Variants in PDE10A observed in about 807,000 individuals in gnomAD.
PDE10A encodes the protein phosphodiesterase 10A.
Under a neutral mutation model 97.7 loss-of-function variants are expected in PDE10A, and 39 were observed. That is an observed-to-expected ratio of 0.40 (90% CI 0.31 to 0.52). The LOEUF is 0.52. Ranked by LOEUF, PDE10A falls within the 20% of genes least tolerant of loss-of-function variation. PDE10A has a pLI of 0.56. For synonymous variants in PDE10A, 371 were observed against 376.8 expected (o/e 0.98, Z 0.18); for missense variants, 731 against 1,047.8 (o/e 0.70, Z 4.17).
chr6:165,714,961 G>T (rs1004812422), intron 1 of PDE10A, among the ~76,000 whole-genome samples: 1 of 152,146 alleles, frequency 6.6e-6, no homozygotes, highest in Non-Finnish European at 1.5e-5. Context: ...CTTGCTCTCC[G>T]CAAAGCCCTG....
At chr6:165,762,831 C>T (rs1394632367) in intron 1 of PDE10A, among the ~76,000 whole-genome samples, 1 of 152,094 alleles carries the variant, frequency 6.6e-6, no homozygotes, top group Admixed American at 6.5e-5. Flanking sequence ...ACCCAAACAC[C>T]AGGTGCCTGT....
At chr6:165,423,876 T>C (rs1788916987) in intron 10 of PDE10A, among the ~76,000 whole-genome samples, 1 of 151,984 alleles carries the variant, frequency 6.6e-6, no homozygotes. Flanking sequence ...TTACCCAGAT[T>C]TGCTTGTCTG....
chr6:165,692,098 A>G (rs1444468037), intron 1 of PDE10A, among the ~76,000 whole-genome samples: 1 of 152,202 alleles, frequency 6.6e-6, no homozygotes, highest in African/African-American at 2.4e-5. Flanking sequence ...CACAGGGTTA[A>G]TCCTCAAATA....
chr6:165,588,360 G>A (rs1347450358), intron 1 of PDE10A, among the ~76,000 whole-genome samples: 2 of 133,608 alleles, frequency 1.5e-5, no homozygotes, highest in African/African-American at 2.9e-5. Flanking sequence ...GCATGATCTC[G>A]GCTCACTGCA....
At chr6:165,804,403 G>A (rs1229662465) in intron 1 of PDE10A, among the ~76,000 whole-genome samples, 1 of 152,228 alleles carries the variant, frequency 6.6e-6, no homozygotes, top group East Asian at 1.9e-4. Context: ...CGTTTGCTTC[G>A]TTTGTTTTGT....
chr6:165,818,360 G>A (rs1295743065), intron 1 of PDE10A, among the ~76,000 whole-genome samples: 1 of 152,206 alleles, frequency 6.6e-6, no homozygotes, highest in Non-Finnish European at 1.5e-5. Flanking sequence ...TACCGAGGTT[G>A]GTTTCCTCTG....
chr6:165,932,031 G>A (rs1379832640), intron 1 of PDE10A, among the ~76,000 whole-genome samples: 4 of 152,118 alleles, frequency 2.6e-5, no homozygotes, highest in African/African-American at 4.8e-5. Context: ...TGGCAAGTGC[G>A]GGTGAACGGT....
At chr6:165,379,030 G>A (rs1784781279) in intron 18 of PDE10A, among the ~76,000 whole-genome samples, 164 bp downstream of exon 18, 1 of 152,142 alleles carries the variant, frequency 6.6e-6, no homozygotes. Flanking sequence ...AAACAACAAA[G>A]CATCTAAAGT....
At chr6:165,764,520 T>C (rs201480187) in intron 1 of PDE10A, among the ~76,000 whole-genome samples, 15,541 of 128,868 alleles carry the variant, frequency 0.12, 1,023 homozygotes, top group South Asian at 0.25. Flanking sequence ...TAAGGTGGTG[T>C]GTCTGGAGTT....
At chr6:165,551,619 A>T (rs1784020043) in intron 1 of PDE10A, among the ~76,000 whole-genome samples, 1 of 152,226 alleles carries the variant, frequency 6.6e-6, no homozygotes, top group Non-Finnish European at 1.5e-5. Flanking sequence ...GTTGGAATGA[A>T]GATATAAGCC....
At chr6:165,683,103 T>C (rs1314367512) in intron 1 of PDE10A, among the ~76,000 whole-genome samples, 5 of 152,164 alleles carry the variant, frequency 3.3e-5, no homozygotes, top group Admixed American at 3.3e-4. Context: ...ACAAAATTAT[T>C]TGTTGAATGA....
At chr6:165,460,047 C>A (rs1778227769) in intron 3 of PDE10A, among the ~76,000 whole-genome samples, 2 of 152,218 alleles carry the variant, frequency 1.3e-5, no homozygotes, top group African/African-American at 4.8e-5. Flanking sequence ...GTCCCGGGCC[C>A]CATTCTAAAC....
chr6:165,658,501 G>A (rs1014515896), intron 1 of PDE10A, among the ~76,000 whole-genome samples: 7 of 152,080 alleles, frequency 4.6e-5, no homozygotes, highest in African/African-American at 1.4e-4. Flanking sequence ...AGAGAGGTGC[G>A]GGCGTATTTG....
intron 16 of PDE10A, among the ~76,000 whole-genome samples, chr6:165,389,342 A>G (rs1280667740): frequency 6.6e-6 from 1 of 152,208 alleles, no homozygotes; most frequent in African/African-American, 2.4e-5. Flanking sequence ...AAAGTAATTG[A>G]GGCAAAATGT....
intron 1 of PDE10A, among the ~76,000 whole-genome samples, chr6:165,794,569 A>G (rs1778777313): frequency 6.6e-6 from 1 of 150,492 alleles, no homozygotes; most frequent in African/African-American, 2.4e-5. Flanking sequence ...TCACTTACAC[A>G]CACATTCCTA....
At chr6:165,850,644 G>A (rs1341166055) in intron 1 of PDE10A, among the ~76,000 whole-genome samples, 3 of 152,168 alleles carry the variant, frequency 2.0e-5, no homozygotes, top group Non-Finnish European at 2.9e-5. Flanking sequence ...TGGCCAGTCT[G>A]GGAAGTGGCT....
At chr6:165,680,397 A>C (rs551821891) in intron 1 of PDE10A, among the ~76,000 whole-genome samples, 12 of 152,366 alleles carry the variant, frequency 7.9e-5, no homozygotes, top group African/African-American at 2.9e-4. Context: ...TTCTGCCAGA[A>C]GGCAAACTTC....
chr6:165,483,670 CAATT>C (rs1200164141), intron 2 of PDE10A, among the ~76,000 whole-genome samples: 1 of 152,108 alleles, frequency 6.6e-6, no homozygotes, highest in East Asian at 1.9e-4. Context: ...AAAAGTCAAA[CAATT>C]AAAAGGTATA....
chr6:165,683,155 A>G (rs1028495865), intron 1 of PDE10A, among the ~76,000 whole-genome samples: 1 of 152,230 alleles, frequency 6.6e-6, no homozygotes, highest in Non-Finnish European at 1.5e-5. Context: ...GGGAGAGAAT[A>G]ATTCAAAGGC....
Sources: gnomAD v4.1 joint callset for allele counts (sites outside exome capture counted in the v4.1 genomes callset) on GRCh38, gnomAD v4.1.1 for gene constraint, MANE v1.5 for transcripts, NCBI Gene and HGNC (gene_info 2026-07-23, HGNC 2026-07-21) for gene names.